The following DLC1 variants were observed in gnomAD, a reference collection of about 807,000 sequenced individuals.
DLC1 encodes rho GTPase-activating protein 7.
DLC1 carries 54 observed loss-of-function variants against 140.3 expected under a neutral mutation model. That is an observed-to-expected ratio of 0.38 (90% CI 0.31 to 0.48). The LOEUF is 0.48. DLC1 is among the 20% of genes least tolerant of loss of function. The pLI, the probability that DLC1 is intolerant of heterozygous loss-of-function variation, is 0.96. For missense variants in DLC1, 2,536 were observed against 1,907.0 expected, an observed-to-expected ratio of 1.33 and a Z score of -6.14; for synonymous variants, 986 against 728.1, an observed-to-expected ratio of 1.35 and a Z score of -5.70.
intron 2 of DLC1, among the ~76,000 whole-genome samples, chr8:13,479,823 G>GAGAAAAAGAAAGAAAGAAAGA (rs1563383362): frequency 0.021 from 172 of 8,326 alleles, 6 homozygotes; most frequent in Middle Eastern, 0.25. Context: ...AGAAGAAGAA[G>GAGAAAAAGAAAGAAAGAAAGA]AAGAAGAAGA....
chr8:13,420,963 G>A (rs150264292), intron 2 of DLC1, among the ~76,000 whole-genome samples: 129 of 152,186 alleles, frequency 8.5e-4, no homozygotes, highest in African/African-American at 3.0e-3. Flanking sequence ...GCTCTTGGAC[G>A]CTTTCTCTAA....
Position 13,487,454 on chromosome 8 carries a change from C to T in DLC1, c.1023+11595G>A, listed in dbSNP as rs540696661. ...AAAATTAAGACTTAGTACACTGAAC[C>T]TCAGCACTAATCTTTCCCACTCCAA... On this transcript the variant is annotated intron_variant, in intron 2 of 17. Transcript: ENST00000276297. 3.0e-4 allele frequency among the ~76,000 whole-genome samples: 46 copies of T among 152,216 alleles called. 1 individual carries two copies. Among genetic ancestry groups the T allele is most frequent in the African/African-American group, 1.1e-3 (46 of 41,544 alleles).
chr8:13,464,535 C>G (rs1799832558), intron 2 of DLC1, among the ~76,000 whole-genome samples: 1 of 151,678 alleles, frequency 6.6e-6, no homozygotes, highest in South Asian at 2.1e-4. Flanking sequence ...ACATATGTCC[C>G]ATATATGTAA....
chr8:13,332,737 T>C (rs148816510), intron 4 of DLC1, among the ~76,000 whole-genome samples: 1 of 152,316 alleles, frequency 6.6e-6, no homozygotes, highest in East Asian at 1.9e-4. Context: ...ATGGATTTTC[T>C]TGAGTTTGCT....
At chr8:13,566,375 G>A (rs1317990619) in intron 1 of DLC1, among the ~76,000 whole-genome samples, 1 of 32,296 alleles carries the variant, frequency 3.1e-5, no homozygotes, top group Admixed American at 4.1e-4. Context: ...CCCCGACCCC[G>A]CCCAAACTTC....
intron 1 of DLC1, among the ~76,000 whole-genome samples, chr8:13,539,612 T>G (rs907457389): frequency 1.3e-5 from 2 of 152,140 alleles, no homozygotes; most frequent in African/African-American, 4.8e-5. Flanking sequence ...GGAGCTTCTG[T>G]CCCTCACCAG....
At chr8:13,467,927 T>A (rs1231420683) in intron 2 of DLC1, among the ~76,000 whole-genome samples, 2 of 152,176 alleles carry the variant, frequency 1.3e-5, no homozygotes, top group African/African-American at 4.8e-5. Context: ...GGTTAAGGTG[T>A]TTAAGTGGTT....
At chr8:13,423,645 G>C (rs1209902615) in intron 2 of DLC1, among the ~76,000 whole-genome samples, 1 of 152,074 alleles carries the variant, frequency 6.6e-6, no homozygotes, top group Admixed American at 6.5e-5. Flanking sequence ...ACAGAAATCG[G>C]ATTTCTGCTC....
At chr8:13,395,763 G>C (rs545078700) in intron 3 of DLC1, among the ~76,000 whole-genome samples, 1 of 132,932 alleles carries the variant, frequency 7.5e-6, no homozygotes, top group African/African-American at 2.6e-5. Context: ...GTGTGTGTGC[G>C]TGTGCGTGTG....
chr8:13,448,369 C>CTTCA (rs760341572), intron 2 of DLC1, among the ~76,000 whole-genome samples: 1 of 143,892 alleles, frequency 6.9e-6, no homozygotes, highest in East Asian at 2.0e-4. Flanking sequence ...TCTTCTTCTT[C>CTTCA]TTTTTTTTTT....
At position 13,289,537 on chromosome 8, in the gene DLC1, C is replaced by T. The variant is rs116894784; in HGVS notation, c.1348+15732G>A. Among the ~76,000 whole-genome samples, 1,209 of 152,238 alleles carry T rather than the reference C, an allele frequency of 7.9e-3. 12 individuals are homozygous for T. Among genetic ancestry groups the T allele is most frequent in the Non-Finnish European group, 0.011 (715 of 68,018 alleles). On this transcript the variant is annotated intron_variant, in intron 5 of 17. Transcript: ENST00000276297. ...GTAGAGGCAAGCTCTCACTATGTTGCCCAGGCTGGCTTTGAACTCCTGGCC... is the reference window on the plus strand; with the variant it reads ...GTAGAGGCAAGCTCTCACTATGTTGTCCAGGCTGGCTTTGAACTCCTGGCC...
At chr8:13,153,823 G>T (rs903964266) in intron 5 of DLC1, among the ~76,000 whole-genome samples, 2 of 152,086 alleles carry the variant, frequency 1.3e-5, no homozygotes, top group Non-Finnish European at 1.5e-5. Context: ...AGTGCTGATT[G>T]GTGTGTTTAC....
chr8:13,287,487 A>G (rs923715831), intron 5 of DLC1, among the ~76,000 whole-genome samples: 1 of 152,222 alleles, frequency 6.6e-6, no homozygotes, highest in Non-Finnish European at 1.5e-5. Context: ...GTATAAGTAT[A>G]AAGTATAAGA....
intron 4 of DLC1, among the ~76,000 whole-genome samples, chr8:13,361,606 G>A (rs567224920): frequency 6.6e-6 from 1 of 152,054 alleles, no homozygotes; most frequent in African/African-American, 2.4e-5. Flanking sequence ...GGACATTTTA[G>A]GTATCATTTT....
At chr8:13,246,516 G>A (rs981095972) in intron 5 of DLC1, among the ~76,000 whole-genome samples, 24 of 152,106 alleles carry the variant, frequency 1.6e-4, no homozygotes, top group Admixed American at 1.4e-3. Context: ...GTATGACTGT[G>A]TGTGTGTATG....
At chr8:13,483,999 G>C (rs1254806850) in intron 2 of DLC1, among the ~76,000 whole-genome samples, 2 of 152,130 alleles carry the variant, frequency 1.3e-5, no homozygotes, top group Non-Finnish European at 2.9e-5. Context: ...AGAATCGATT[G>C]AACCTGGGAG....
intron 4 of DLC1, among the ~76,000 whole-genome samples, chr8:13,310,311 C>CT: frequency 6.6e-6 from 1 of 152,218 alleles, no homozygotes. Flanking sequence ...CTTTATTTGC[C>CT]TTTTAAAAAG....
At chr8:13,492,328 A>C (rs1273825233) in intron 2 of DLC1, among the ~76,000 whole-genome samples, 2 of 151,638 alleles carry the variant, frequency 1.3e-5, no homozygotes, top group Non-Finnish European at 2.9e-5. Context: ...TCTTTGCTAA[A>C]CTCCTGCTTG....
intron 4 of DLC1, among the ~76,000 whole-genome samples, chr8:13,320,543 T>C (rs1833056886): frequency 6.6e-6 from 1 of 152,176 alleles, no homozygotes; most frequent in Non-Finnish European, 1.5e-5. Context: ...ACTCCTGCTA[T>C]GGTTTGGATG....
Sources: allele counts gnomAD v4.1 joint callset (sites outside exome capture counted in the v4.1 genomes callset), GRCh38; gene constraint gnomAD v4.1.1; transcripts MANE v1.5; gene names NCBI Gene and HGNC (gene_info 2026-07-23, HGNC 2026-07-21).